The following CENPW variants were observed in gnomAD, a reference collection of about 807,000 sequenced individuals.
CENPW encodes cancer-up-regulated gene 2 protein.
Under a neutral mutation model 11.1 loss-of-function variants are expected in CENPW, and 3 were observed. That is an observed-to-expected ratio of 0.27 (90% CI 0.12 to 0.70). The LOEUF (loss-of-function observed/expected upper bound fraction) is 0.70. Ranked by LOEUF, CENPW falls within the 30% of genes least tolerant of loss-of-function variation. The probability of loss-of-function intolerance (pLI) is 0.77; values close to 1 mark genes in which losing one functional copy is unlikely to be tolerated. For synonymous variants in CENPW, 38 were observed against 42.0 expected (o/e 0.91, Z 0.37); for missense variants, 100 against 105.6 (o/e 0.95, Z 0.23).
the CENPW span, among the ~76,000 whole-genome samples, chr6:126,380,139 G>A: frequency 6.6e-6 from 1 of 152,194 alleles, no homozygotes; most frequent in South Asian, 2.1e-4. Context: ...GAGACTGGAA[G>A]TTGATTTAAG....
chr6:126,455,099 C>A, the CENPW span, among the ~76,000 whole-genome samples: 2 of 150,998 alleles, frequency 1.3e-5, no homozygotes, highest in African/African-American at 2.4e-5. Context: ...ACCAGAAAAA[C>A]CCCAGGACCA....
the CENPW span, among the ~76,000 whole-genome samples, chr6:126,366,287 A>G: frequency 6.6e-6 from 1 of 152,262 alleles, no homozygotes. Context: ...TAGAATACAT[A>G]TATTTTATTA....
the CENPW span, among the ~76,000 whole-genome samples, chr6:126,399,972 C>G: frequency 2.6e-5 from 4 of 151,918 alleles, no homozygotes; most frequent in Non-Finnish European, 4.4e-5. Context: ...GTATTTAATT[C>G]ATGTGGTGGT....
chr6:126,448,804 CA>C, the CENPW span, among the ~76,000 whole-genome samples: 1 of 150,762 alleles, frequency 6.6e-6, no homozygotes, highest in African/African-American at 2.4e-5. Context: ...AGAAATAAAC[CA>C]AAAAAACAGA....
At chr6:126,448,646 G>T in the CENPW span, among the ~76,000 whole-genome samples, 1 of 150,886 alleles carries the variant, frequency 6.6e-6, no homozygotes, top group Non-Finnish European at 1.5e-5. Context: ...AAAACCTTTT[G>T]AGATCTTCTG....
chr6:126,361,929 G>T, the CENPW span, among the ~76,000 whole-genome samples: 5 of 152,172 alleles, frequency 3.3e-5, no homozygotes, highest in Admixed American at 1.3e-4. Context: ...CACAGCCCTG[G>T]CAGGCTCGGA....
chr6:126,476,675 A>C, the CENPW span, among the ~76,000 whole-genome samples: 2 of 152,028 alleles, frequency 1.3e-5, no homozygotes, highest in Non-Finnish European at 2.9e-5. Context: ...TCATTTTAAC[A>C]CTTAAAATAT....
At chr6:126,351,157 T>TGTGTGC, downstream of CENPW, among the ~76,000 whole-genome samples, 1 of 151,100 alleles carries the variant, frequency 6.6e-6, no homozygotes, top group South Asian at 2.1e-4. Flanking sequence ...TGAGTGTGTG[T>TGTGTGC]GTGTGTGTGT....
the CENPW span, among the ~76,000 whole-genome samples, chr6:126,453,865 A>G: frequency 6.6e-6 from 1 of 151,232 alleles, no homozygotes; most frequent in Non-Finnish European, 1.5e-5. Flanking sequence ...AAGAAAAATC[A>G]GCCAAGCAAA....
the CENPW span, among the ~76,000 whole-genome samples, chr6:126,446,821 G>A: frequency 6.6e-6 from 1 of 150,914 alleles, no homozygotes; most frequent in Non-Finnish European, 1.5e-5. Flanking sequence ...TACGTCATTT[G>A]GTTTGATATT....
chr6:126,469,835 T>C, the CENPW span, among the ~76,000 whole-genome samples: 3 of 151,766 alleles, frequency 2.0e-5, no homozygotes, highest in Admixed American at 2.0e-4. Flanking sequence ...TTGAGGGAGG[T>C]GATTTAGAGT....
the CENPW span, among the ~76,000 whole-genome samples, chr6:126,431,557 C>T: frequency 6.6e-6 from 1 of 152,116 alleles, no homozygotes; most frequent in African/African-American, 2.4e-5. Flanking sequence ...CCCCCTGCTT[C>T]ACAATGAAGC....
At chr6:126,390,986 A>G in the CENPW span, among the ~76,000 whole-genome samples, 1 of 151,986 alleles carries the variant, frequency 6.6e-6, no homozygotes, top group East Asian at 1.9e-4. Context: ...GGGGGTATAT[A>G]CCTAGCAGGA....
In CENPW at chr6:126,346,153, C is replaced by T. The variant is rs925735255; in HGVS notation, c.127-52C>T. ...TAACTAATTTTTAAAAATATTATTT[C>T]AATGCATCAGTATTTGAGCTTAAAA... On this transcript the variant is annotated intron_variant, in intron 1 of 2. Coordinates refer to ENST00000368328, the MANE Select transcript of CENPW (RefSeq NM_001012507.4). 5.6e-6 allele frequency: 5 copies of T among 894,872 alleles called. No homozygotes were observed. The Admixed American group carries it at 6.6e-5, about 12-fold the overall frequency. The allele number at this position is 894,872 out of a possible 1,614,324, so 55.4% of individuals were successfully genotyped here.
At chr6:126,343,648 A>G (rs1780354381) in intron 1 of CENPW, among the ~76,000 whole-genome samples, 1 of 152,230 alleles carries the variant, frequency 6.6e-6, no homozygotes, top group Non-Finnish European at 1.5e-5. Context: ...AGAGTCCAAA[A>G]GCTGAAGAAC....
chr6:126,362,343 A>T, the CENPW span, among the ~76,000 whole-genome samples: 1 of 152,088 alleles, frequency 6.6e-6, no homozygotes, highest in African/African-American at 2.4e-5. Context: ...TCACAGGCCC[A>T]TGGGGGTGTG....
chr6:126,350,338 T>G (rs1266392034), downstream of CENPW, among the ~76,000 whole-genome samples: 2 of 151,928 alleles, frequency 1.3e-5, no homozygotes, highest in South Asian at 2.1e-4. Context: ...GAGATCATGG[T>G]GCCAGCACAG....
chr6:126,468,098 C>T, the CENPW span, among the ~76,000 whole-genome samples: 1 of 152,012 alleles, frequency 6.6e-6, no homozygotes, highest in African/African-American at 2.4e-5. Flanking sequence ...CAAGTGGAGC[C>T]TAAAGAGATA....
At chr6:126,384,367 A>G in the CENPW span, among the ~76,000 whole-genome samples, 3 of 151,986 alleles carry the variant, frequency 2.0e-5, no homozygotes. Context: ...CATGATCCCC[A>G]ATCAAACTAT....
Sources: gnomAD v4.1 joint callset for allele counts (sites outside exome capture counted in the v4.1 genomes callset) on GRCh38, gnomAD v4.1.1 for gene constraint, MANE v1.5 for transcripts, NCBI Gene and HGNC (gene_info 2026-07-23, HGNC 2026-07-21) for gene names.